YWHAZ: variants seen among roughly 807,000 people sequenced by gnomAD.
YWHAZ encodes tyrosine 3-monooxygenase/tryptophan 5-monooxygenase activation protein zeta, also known as 14-3-3 protein zeta/delta.
For synonymous variants in YWHAZ, 87 were observed against 103.6 expected, an observed-to-expected ratio of 0.84 and a Z score of 0.97; for missense variants, 79 against 284.8, an observed-to-expected ratio of 0.28 and a Z score of 5.20.
chr8:100,939,560 GA>G (rs1563682680), intron 2 of YWHAZ, among the ~76,000 whole-genome samples: 2 of 152,078 alleles, frequency 1.3e-5, no homozygotes, highest in African/African-American at 4.8e-5. Context: ...TCAGGAGGCC[GA>G]GGCAGGAGAA....
At position 100,948,932 on chromosome 8, in the gene YWHAZ, T is replaced by G. The variant is rs1360930476; in HGVS notation, c.-11-32A>C. 1.3e-6 allele frequency: 2 copies of G among 1,540,064 alleles called. No individual in the cohort carries two copies. Among genetic ancestry groups the G allele is most frequent in the East Asian group, 4.5e-5 (2 of 44,302 alleles). On this transcript the variant is annotated intron_variant, in intron 1 of 5. Transcript: ENST00000395958. The surrounding 1 kb of genome is among the most constrained non-coding windows in gnomAD (Gnocchi z 4.2). The stretch of plus-strand genomic sequence containing the variant: ...GGGGGAAAAAAGGAGTATTTAAAAT[T>G]TTTCCCATCAAAATAAACAGACTCA...
intron 2 of YWHAZ, among the ~76,000 whole-genome samples, chr8:100,936,100 C>A (rs1344025422): frequency 6.6e-6 from 1 of 152,176 alleles, no homozygotes; most frequent in Non-Finnish European, 1.5e-5. Context: ...CTCAAACCAC[C>A]GTGCTATGTG....
At chr8:100,945,013 A>G (rs562978676) in intron 2 of YWHAZ, among the ~76,000 whole-genome samples, 10 of 152,272 alleles carry the variant, frequency 6.6e-5, no homozygotes, top group African/African-American at 2.2e-4. Context: ...AAACTACCCA[A>G]TTTTTGGCTG....
intron 1 of YWHAZ, among the ~76,000 whole-genome samples, chr8:100,949,530 A>G (rs1810551945): frequency 6.6e-6 from 1 of 152,180 alleles, no homozygotes; most frequent in East Asian, 1.9e-4. Flanking sequence ...TATTTTGAGT[A>G]TAAATCCACC....
In YWHAZ at chr8:100,922,092, T is replaced by G. The variant is rs543834659; in HGVS notation, c.679-1340A>C. On this transcript the variant is annotated intron_variant, in intron 5 of 5. Coordinates refer to ENST00000395958, the MANE Select transcript of YWHAZ (RefSeq NM_145690.3). This position sits in a 1 kb window ranked among gnomAD's most constrained non-coding sequence, Gnocchi z 4.1. ...GCTCCTCCTGTCAAACAAGGGGTTT[T>G]GTAATTGCAAGATGAAATTGTTTCT... is the stretch of plus-strand genomic sequence containing the variant. Among the ~76,000 whole-genome samples, 5 of 152,356 alleles carry G rather than the reference T, an allele frequency of 3.3e-5. No homozygotes were observed. The highest frequency in any genetic ancestry group is 1.2e-4 in the African/African-American group (5 of 41,578).
At chr8:100,951,084 C>T in intron 1 of YWHAZ, 1 of 857,550 alleles carries the variant, frequency 1.2e-6, no homozygotes, top group Non-Finnish European at 1.4e-6. Flanking sequence ...AAAGTCAGAC[C>T]CATCCCCCAC....
chr8:100,948,101 G>A lies in YWHAZ; in HGVS notation c.294+495C>T, dbSNP rs570256490. 90 of 1,534,880 alleles carry A rather than the reference G, an allele frequency of 5.9e-5. 1 individual carries two copies. In the South Asian group the frequency reaches 1.0e-3, roughly 18 times the overall value. ...CCTTCAAGAATTCAATGCAGGAAGA[G>A]GTTTCATAGTTGTGACGCCAGAGTT... is the stretch of plus-strand genomic sequence containing the variant. On this transcript the variant is annotated intron_variant, in intron 2 of 5. Coordinates refer to ENST00000395958, the MANE Select transcript of YWHAZ (RefSeq NM_145690.3). This position sits in a 1 kb window ranked among gnomAD's most constrained non-coding sequence, Gnocchi z 4.2.
chr8:100,925,149 C>A (rs2130124698), intron 2 of YWHAZ, 110 bp from the exon 3 acceptor site: 1 of 1,112,192 alleles, frequency 9.0e-7, no homozygotes, highest in South Asian at 1.7e-5. Context: ...CTTAAACACC[C>A]AGTCACTGTC....
Position 100,924,694 on chromosome 8 carries a change from T to C in YWHAZ, c.418+222A>G, listed in dbSNP as rs557308688. ...CAGGCTGGTCACTTTTCTTAAAATCTTGAAAAAACATCCCTGTACACAATA... is the reference window on the plus strand; with the variant it reads ...CAGGCTGGTCACTTTTCTTAAAATCCTGAAAAAACATCCCTGTACACAATA... On this transcript the variant is annotated intron_variant, in intron 3 of 5. Coordinates refer to ENST00000395958, the MANE Select transcript of YWHAZ (RefSeq NM_145690.3). The surrounding 1 kb of genome is among the most constrained non-coding windows in gnomAD (Gnocchi z 5.7). 3.3e-5 allele frequency among the ~76,000 whole-genome samples: 5 copies of C among 152,294 alleles called. No homozygotes were observed. The South Asian group carries it at 1.0e-3, about 32-fold the overall frequency.
In YWHAZ at chr8:100,948,188, T is replaced by C; in HGVS notation, c.294+408A>G. 6.8e-7 allele frequency: 1 copy of C among 1,478,786 alleles called. No individual in the cohort carries two copies. Among genetic ancestry groups the C allele is most frequent in the Non-Finnish European group, 9.0e-7 (1 of 1,105,656 alleles). The allele number at this position is 1,478,786 out of a possible 1,614,324, so 91.6% of individuals were successfully genotyped here. A position where few individuals can be genotyped will look rare whatever the true frequency, so the allele number is the denominator to read the frequency against. On this transcript the variant is annotated intron_variant, in intron 2 of 5. Coordinates refer to ENST00000395958, the MANE Select transcript of YWHAZ (RefSeq NM_145690.3). The surrounding 1 kb of genome is among the most constrained non-coding windows in gnomAD (Gnocchi z 4.2). ...GGCTAATCCTGAGAAGAGTACTATT[T>C]CTACAATGAGTATCCTATTACATCT... is the stretch of plus-strand genomic sequence containing the variant.
Position 100,924,456 on chromosome 8 carries a change from G to A in YWHAZ, c.419-158C>T. The A allele has an allele frequency of 1.5e-6, 1 of 663,048 alleles. No individual in the cohort carries two copies. Among genetic ancestry groups the A allele is most frequent in the Non-Finnish European group, 2.4e-6 (1 of 413,352 alleles). 41.1% of individuals were successfully genotyped at this position (663,048 alleles called of 1,614,324 possible). A position where few individuals can be genotyped will look rare whatever the true frequency, so the allele number is the denominator to read the frequency against. Reference sequence around the variant, plus strand: ...AGGTCCTTTTTTTTTTTTAAAGGGAGCTTTCTCCTGGTACACACTAGCCAT... The same window carrying A: ...AGGTCCTTTTTTTTTTTTAAAGGGAACTTTCTCCTGGTACACACTAGCCAT... On this transcript the variant is annotated intron_variant, in intron 3 of 5. Coordinates refer to ENST00000395958, the MANE Select transcript of YWHAZ (RefSeq NM_145690.3). This position sits in a 1 kb window ranked among gnomAD's most constrained non-coding sequence, Gnocchi z 5.7.
At chr8:100,939,124 A>C (rs1404075141) in intron 2 of YWHAZ, among the ~76,000 whole-genome samples, 2 of 152,204 alleles carry the variant, frequency 1.3e-5, no homozygotes, top group Non-Finnish European at 2.9e-5. Flanking sequence ...TTATTAATAT[A>C]ATTCCTGTTA....
chr8:100,951,310 G>C, intron 1 of YWHAZ: 1 of 984,532 alleles, frequency 1.0e-6, no homozygotes. Context: ...TTGGGTCCCC[G>C]AGGCCCCCGG....
chr8:100,943,768 C>T (rs1423204256), intron 2 of YWHAZ, among the ~76,000 whole-genome samples: 4 of 152,094 alleles, frequency 2.6e-5, no homozygotes, highest in East Asian at 1.9e-4. Flanking sequence ...AGGTGGATCA[C>T]GAGGTCAGGA....
chr8:100,943,912 G>A (rs1011041221), intron 2 of YWHAZ, among the ~76,000 whole-genome samples: 16 of 150,896 alleles, frequency 1.1e-4, no homozygotes, highest in Admixed American at 2.0e-4. Flanking sequence ...GCGTGAGCCC[G>A]GAAGGCAGAG....
At chr8:100,937,848 C>A (rs1335023492) in intron 2 of YWHAZ, among the ~76,000 whole-genome samples, 1 of 152,180 alleles carries the variant, frequency 6.6e-6, no homozygotes, top group Non-Finnish European at 1.5e-5. Flanking sequence ...AAACAAAAAT[C>A]GGCCGGGTGC....
intron 1 of YWHAZ, chr8:100,950,603 C>T (rs1225622167): frequency 1.0e-6 from 1 of 985,756 alleles, no homozygotes; most frequent in Admixed American, 6.2e-5. Context: ...AGTGTTAATT[C>T]CTCCCCCCGA....
intron 1 of YWHAZ, 110 bp from the exon 2 acceptor site, chr8:100,949,010 G>T: frequency 1.6e-6 from 2 of 1,256,908 alleles, no homozygotes; most frequent in Admixed American, 2.5e-5. Flanking sequence ...AACTGCCTGT[G>T]AAAGACTGTT....
At chr8:100,930,094 G>A (rs1394151917) in intron 2 of YWHAZ, among the ~76,000 whole-genome samples, 3 of 152,140 alleles carry the variant, frequency 2.0e-5, no homozygotes, top group Admixed American at 1.3e-4. Flanking sequence ...TATACACTAA[G>A]TGTCACAATT....
Sources: allele counts gnomAD v4.1 joint callset (sites outside exome capture counted in the v4.1 genomes callset), GRCh38; gene constraint gnomAD v4.1.1; non-coding constraint Gnocchi (gnomAD v3.1); transcripts MANE v1.5; gene names NCBI Gene and HGNC (gene_info 2026-07-23, HGNC 2026-07-21).